Variants in CPA6 observed in about 807,000 individuals in gnomAD.
CPA6 encodes the protein carboxypeptidase A6, also known as carboxypeptidase B.
A neutral mutation model predicts 63.3 loss-of-function variants in CPA6; 58 were observed. The observed-to-expected ratio is 0.92, with a 90% CI of 0.74 to 1.14. The LOEUF is 1.14. CPA6 is among the 50% of genes most tolerant of loss of function. CPA6 has a pLI of 0.00. For missense variants in CPA6, 565 were observed against 526.6 expected, an observed-to-expected ratio of 1.07 and a Z score of -0.71; for synonymous variants, 185 against 179.0, an observed-to-expected ratio of 1.03 and a Z score of -0.27.
At chr8:67,694,677 T>G (rs62511399) in intron 1 of CPA6, among the ~76,000 whole-genome samples, 5,099 of 152,200 alleles carry the variant, frequency 0.034, 116 homozygotes, top group Non-Finnish European at 0.046. Flanking sequence ...TAAAATCAGT[T>G]TACAGAGGAA....
intron 1 of CPA6, among the ~76,000 whole-genome samples, chr8:67,720,833 T>C (rs968682462): frequency 1.3e-5 from 2 of 152,174 alleles, no homozygotes; most frequent in Non-Finnish European, 2.9e-5. Context: ...GTTGATCACT[T>C]CCTGGCTGCC....
intron 2 of CPA6, among the ~76,000 whole-genome samples, chr8:67,528,563 C>A (rs528225373): frequency 6.6e-6 from 1 of 152,214 alleles, no homozygotes; most frequent in East Asian, 1.9e-4. Context: ...TAGACATAGA[C>A]CCTCCAGATT....
intron 1 of CPA6, among the ~76,000 whole-genome samples, chr8:67,650,918 C>A (rs1353618710): frequency 6.6e-6 from 1 of 152,068 alleles, no homozygotes; most frequent in African/African-American, 2.4e-5. Context: ...CAAGCCAAAG[C>A]CTTCTGGAAG....
chr8:67,635,580 C>T (rs772862235), intron 1 of CPA6, among the ~76,000 whole-genome samples: 2 of 151,492 alleles, frequency 1.3e-5, no homozygotes, highest in Non-Finnish European at 2.9e-5. Flanking sequence ...CCAGCCTGAC[C>T]AACATGGTGA....
chr8:67,537,820 A>G (rs990933030), intron 2 of CPA6, among the ~76,000 whole-genome samples: 1 of 152,120 alleles, frequency 6.6e-6, no homozygotes, highest in African/African-American at 2.4e-5. Flanking sequence ...TCTTATGGAC[A>G]TTAGTGTTAT....
At chr8:67,561,672 G>A (rs550771942) in intron 2 of CPA6, among the ~76,000 whole-genome samples, 1 of 152,288 alleles carries the variant, frequency 6.6e-6, no homozygotes, top group South Asian at 2.1e-4. Context: ...GAGAATTGGT[G>A]AAGGTTGAGT....
intron 1 of CPA6, among the ~76,000 whole-genome samples, chr8:67,741,970 A>G (rs1291639247): frequency 6.6e-6 from 1 of 152,144 alleles, no homozygotes; most frequent in Non-Finnish European, 1.5e-5. Context: ...GCACTTACAC[A>G]TTGTATAGTA....
intron 2 of CPA6, among the ~76,000 whole-genome samples, chr8:67,543,797 T>TTATTATTATTA (rs1812757708): frequency 2.3e-5 from 1 of 43,858 alleles, no homozygotes; most frequent in African/African-American, 5.5e-5. Context: ...TATTATTATT[T>TTATTATTATTA]TTAAGAGACA....
chr8:67,521,486 A>C (rs1812256025), intron 2 of CPA6, among the ~76,000 whole-genome samples: 1 of 152,272 alleles, frequency 6.6e-6, no homozygotes, highest in Non-Finnish European at 1.5e-5. Context: ...TCATAGAAGC[A>C]AAATAGCAGA....
chr8:67,665,621 C>A (rs1057415249), intron 1 of CPA6, among the ~76,000 whole-genome samples: 1 of 152,224 alleles, frequency 6.6e-6, no homozygotes, highest in Non-Finnish European at 1.5e-5. Context: ...TAGACTCCCA[C>A]ATGTATGGCA....
intron 2 of CPA6, among the ~76,000 whole-genome samples, chr8:67,540,525 T>G (rs931601164): frequency 6.6e-6 from 1 of 152,212 alleles, no homozygotes; most frequent in African/African-American, 2.4e-5. Context: ...TTAGCAGAGC[T>G]CAAGCGCTGT....
chr8:67,733,556 A>G (rs1421837200), intron 1 of CPA6, among the ~76,000 whole-genome samples: 1 of 152,200 alleles, frequency 6.6e-6, no homozygotes, highest in Non-Finnish European at 1.5e-5. Context: ...ATCAGAACTC[A>G]CTACTATGGC....
At chr8:67,673,356 A>ATTT (rs972970000) in intron 1 of CPA6, among the ~76,000 whole-genome samples, 1 of 129,954 alleles carries the variant, frequency 7.7e-6, no homozygotes, top group African/African-American at 3.5e-5. Context: ...CTTTCAATTT[A>ATTT]TTATTATTAT....
chr8:67,530,738 T>C (rs1319141088), intron 2 of CPA6, among the ~76,000 whole-genome samples: 6 of 152,172 alleles, frequency 3.9e-5, no homozygotes, highest in Middle Eastern at 3.2e-3. Context: ...AAGTTGGTAG[T>C]TGGAACTGCC....
In CPA6 at chr8:67,692,328, C is replaced by CA. The variant is rs55676882; in HGVS notation, c.116+53685dup. ...GGGCAACAAGAGTGAAATCCTGTCT[C>CA]AAAAAAAAAAAAAAAAAAAAAAAGA... On this transcript the variant is annotated intron_variant, in intron 1 of 10. Transcript: ENST00000297770. 5.0e-3 allele frequency among the ~76,000 whole-genome samples: 444 copies of CA among 89,496 alleles called. 2 individuals carry two copies. Among genetic ancestry groups the CA allele is most frequent in the Non-Finnish European group, 7.3e-3 (317 of 43,334 alleles). The allele number at this position is 89,496 out of a possible 152,430, so 58.7% of individuals were successfully genotyped here. A position where few individuals can be genotyped will look rare whatever the true frequency, so the allele number is the denominator to read the frequency against.
At chr8:67,509,104 A>G (rs1036265380) in intron 5 of CPA6, among the ~76,000 whole-genome samples, 1 of 152,130 alleles carries the variant, frequency 6.6e-6, no homozygotes, top group African/African-American at 2.4e-5. Flanking sequence ...CACTATCACA[A>G]GAACAGCAAG....
chr8:67,430,930 T>C (rs1349783320), intron 9 of CPA6, among the ~76,000 whole-genome samples: 2 of 152,084 alleles, frequency 1.3e-5, no homozygotes, highest in African/African-American at 2.4e-5. Context: ...AGCATAACCT[T>C]AGCTTACTGT....
chr8:67,688,385 C>G (rs1025900418), intron 1 of CPA6, among the ~76,000 whole-genome samples: 2 of 152,114 alleles, frequency 1.3e-5, no homozygotes, highest in African/African-American at 4.8e-5. Context: ...GGGAACACCC[C>G]TTGATTCTTG....
rs553050337 is a variant in CPA6 at position 67,691,370 on chromosome 8, A to G, written c.116+54644T>C. Among the ~76,000 whole-genome samples the G allele has an allele frequency of 2.0e-5, 3 of 152,326 alleles. No homozygotes were observed. In the South Asian group the frequency reaches 6.2e-4, roughly 32 times the overall value. On this transcript the variant is annotated intron_variant, in intron 1 of 10. Coordinates refer to ENST00000297770, the MANE Select transcript of CPA6 (RefSeq NM_020361.5). Reference sequence around the variant, plus strand: ...TTAATTTAGGTGGCCATCAGTGACCAGTCTTGTCACTGGCACGTGGCTGGA... The same window carrying G: ...TTAATTTAGGTGGCCATCAGTGACCGGTCTTGTCACTGGCACGTGGCTGGA...
Sources: allele counts gnomAD v4.1 joint callset (sites outside exome capture counted in the v4.1 genomes callset), GRCh38; gene constraint gnomAD v4.1.1; transcripts MANE v1.5; gene names NCBI Gene and HGNC (gene_info 2026-07-23, HGNC 2026-07-21).